Variants in KCNH7 observed in about 807,000 individuals in gnomAD.
The protein encoded by KCNH7 is voltage-gated inwardly rectifying potassium channel KCNH7.
A neutral mutation model predicts 120.8 loss-of-function variants in KCNH7; 49 were observed. That is an observed-to-expected ratio of 0.41 (90% CI 0.32 to 0.51). The LOEUF (loss-of-function observed/expected upper bound fraction) is 0.51. Among genes scored for constraint, KCNH7 ranks in the 20% least tolerant of loss-of-function variants. KCNH7 has a pLI of 0.38. For synonymous variants in KCNH7, 547 were observed against 516.1 expected (o/e 1.06, Z -0.81); for missense variants, 1,097 against 1,446.6 (o/e 0.76, Z 3.92).
chr2:162,814,452 C>T (rs1684846367), intron 2 of KCNH7, among the ~76,000 whole-genome samples: 1 of 152,118 alleles, frequency 6.6e-6, no homozygotes, highest in African/African-American at 2.4e-5. Flanking sequence ...CAAAATAGGC[C>T]TCAAGTCTTC....
intron 2 of KCNH7, among the ~76,000 whole-genome samples, chr2:162,689,992 T>C (rs1437792301): frequency 1.3e-5 from 2 of 152,078 alleles, no homozygotes; most frequent in Non-Finnish European, 2.9e-5. Context: ...TGCTCACCAA[T>C]GATAGACTGG....
intron 2 of KCNH7, among the ~76,000 whole-genome samples, chr2:162,655,961 A>G (rs1263323590): frequency 1.3e-5 from 2 of 152,222 alleles, no homozygotes; most frequent in East Asian, 3.8e-4. Flanking sequence ...CTCCCTGATC[A>G]ACTATTTGGC....
At chr2:162,676,883 T>C (rs1685546044) in intron 2 of KCNH7, among the ~76,000 whole-genome samples, 1 of 151,508 alleles carries the variant, frequency 6.6e-6, no homozygotes, top group Non-Finnish European at 1.5e-5. Flanking sequence ...CTGGGAAATA[T>C]TACTCATATC....
chr2:162,838,248 C>T (rs1302168325), intron 1 of KCNH7, among the ~76,000 whole-genome samples, 195 bp downstream of exon 1: 2 of 152,070 alleles, frequency 1.3e-5, no homozygotes, highest in Admixed American at 6.6e-5. Flanking sequence ...TAATGGAGAC[C>T]GTAATCTAAA....
chr2:162,796,113 A>G (rs1684136636), intron 2 of KCNH7: 1 of 152,070 alleles, frequency 6.6e-6, no homozygotes. Flanking sequence ...TACATACACA[A>G]TGGATGACTA....
chr2:162,584,610 T>C (rs561883863), intron 2 of KCNH7, among the ~76,000 whole-genome samples: 1 of 152,150 alleles, frequency 6.6e-6, no homozygotes, highest in African/African-American at 2.4e-5. Context: ...TGAGAAGCTA[T>C]GCCAGGGAGA....
In KCNH7 at chr2:162,574,616, G is replaced by A. The variant is rs568050280; in HGVS notation, c.308-37536C>T. 3.3e-5 allele frequency among the ~76,000 whole-genome samples: 5 copies of A among 152,180 alleles called. No individual in the cohort carries two copies. The East Asian group carries it at 9.7e-4, about 30-fold the overall frequency. On this transcript the variant is annotated intron_variant, in intron 2 of 15. Coordinates refer to ENST00000332142, the MANE Select transcript of KCNH7 (RefSeq NM_033272.4). ...GTATTCAATGTTATGAATGCCACTG[G>A]CACTTTCTAGAAGAACAATCCATGG...
At chr2:162,475,290 C>T (rs1689698037) in intron 6 of KCNH7, among the ~76,000 whole-genome samples, 1 of 152,076 alleles carries the variant, frequency 6.6e-6, no homozygotes, top group Admixed American at 6.5e-5. Context: ...GACAGTAAAG[C>T]CCTAATAAAT....
chr2:162,657,593 A>G (rs1408665813), intron 2 of KCNH7, among the ~76,000 whole-genome samples: 3 of 152,184 alleles, frequency 2.0e-5, no homozygotes, highest in Non-Finnish European at 2.9e-5. Context: ...TACATAAAAA[A>G]TATTTTGTCT....
At position 162,609,732 on chromosome 2, in the gene KCNH7, A is replaced by C. The variant is rs1682896941; in HGVS notation, c.308-72652T>G. ...AGAAAGTAGAAGAAAGGGAGGGGAAACTGGGGAGTGGAGAGGCTCCCAAAA... is the reference window on the plus strand; with the variant it reads ...AGAAAGTAGAAGAAAGGGAGGGGAACCTGGGGAGTGGAGAGGCTCCCAAAA... On this transcript the variant is annotated intron_variant, in intron 2 of 15. Coordinates refer to ENST00000332142, the MANE Select transcript of KCNH7 (RefSeq NM_033272.4). Among the ~76,000 whole-genome samples the C allele has an allele frequency of 2.0e-5, 3 of 152,240 alleles. No homozygotes were observed. In the South Asian group the frequency reaches 6.2e-4, roughly 32 times the overall value.
chr2:162,801,527 A>G (rs959942067), intron 2 of KCNH7, among the ~76,000 whole-genome samples: 1 of 151,780 alleles, frequency 6.6e-6, no homozygotes, highest in Non-Finnish European at 1.5e-5. Flanking sequence ...GCACCACAAA[A>G]ATGTTACATA....
At chr2:162,820,791 T>A (rs1215628401) in intron 2 of KCNH7, among the ~76,000 whole-genome samples, 2 of 152,186 alleles carry the variant, frequency 1.3e-5, no homozygotes, top group Non-Finnish European at 2.9e-5. Context: ...GAGAAATAAT[T>A]TCTTATTCCT....
At chr2:162,825,904 C>T (rs1033674620) in intron 2 of KCNH7, among the ~76,000 whole-genome samples, 1 of 152,112 alleles carries the variant, frequency 6.6e-6, no homozygotes, top group Non-Finnish European at 1.5e-5. Context: ...AGCTGCACTA[C>T]AAGCCATCAT....
intron 2 of KCNH7, among the ~76,000 whole-genome samples, chr2:162,711,001 A>G (rs1490112656): frequency 6.6e-6 from 1 of 151,668 alleles, no homozygotes; most frequent in Non-Finnish European, 1.5e-5. Flanking sequence ...ACAACCACAG[A>G]AAAAAAAACT....
At chr2:162,372,912 T>A (rs1360294549) in intron 15 of KCNH7, among the ~76,000 whole-genome samples, 1 of 152,180 alleles carries the variant, frequency 6.6e-6, no homozygotes, top group East Asian at 1.9e-4. Context: ...CTTACCATGT[T>A]TATCATCCAA....
chr2:162,403,997 C>T (rs1375596798), intron 9 of KCNH7, among the ~76,000 whole-genome samples: 1 of 151,892 alleles, frequency 6.6e-6, no homozygotes, highest in African/African-American at 2.4e-5. Flanking sequence ...GCTATATTGC[C>T]TTCTTGGCTT....
intron 2 of KCNH7, among the ~76,000 whole-genome samples, chr2:162,608,739 T>C (rs1682864722): frequency 6.6e-6 from 1 of 152,184 alleles, no homozygotes; most frequent in Non-Finnish European, 1.5e-5. Flanking sequence ...GTGTAACTCA[T>C]TTCTAGTAAC....
chr2:162,564,710 G>C (rs1043005060), intron 2 of KCNH7, among the ~76,000 whole-genome samples: 1 of 151,998 alleles, frequency 6.6e-6, no homozygotes, highest in Admixed American at 6.6e-5. Context: ...GGATTAAGGA[G>C]GTACAACATA....
At chr2:162,454,003 G>A (rs925266532) in intron 6 of KCNH7, among the ~76,000 whole-genome samples, 2 of 152,052 alleles carry the variant, frequency 1.3e-5, no homozygotes, top group African/African-American at 4.8e-5. Context: ...AATTGCTTTT[G>A]GTGTTTCAGT....
Sources: allele counts gnomAD v4.1 joint callset (sites outside exome capture counted in the v4.1 genomes callset), GRCh38; gene constraint gnomAD v4.1.1; transcripts MANE v1.5; gene names NCBI Gene and HGNC (gene_info 2026-07-23, HGNC 2026-07-21).